Variants in DNAAF9 observed in about 807,000 individuals in gnomAD.
DNAAF9 encodes dynein axonemal assembly factor 9, also known as shulin.
In DNAAF9, 90 loss-of-function variants were observed where a neutral mutation model predicts 167.0. The ratio of observed to expected loss-of-function variants is 0.54; its 90% CI spans 0.45 to 0.64. The LOEUF (loss-of-function observed/expected upper bound fraction) is 0.64. DNAAF9 is among the 30% of genes least tolerant of loss of function. The pLI, the probability that DNAAF9 is intolerant of heterozygous loss-of-function variation, is 0.00. For missense variants in DNAAF9, 1,315 were observed against 1,442.2 expected (o/e 0.91, Z 1.43); for synonymous variants, 491 against 508.8 (o/e 0.96, Z 0.47).
At chr20:3,379,853 T>A (rs573419321) in intron 3 of DNAAF9, among the ~76,000 whole-genome samples, 3 of 151,674 alleles carry the variant, frequency 2.0e-5, no homozygotes, top group South Asian at 4.2e-4. Flanking sequence ...AGGTCAGGAG[T>A]TCGAGACCAG....
chr20:3,353,633 A>AC (rs756039826), intron 7 of DNAAF9, among the ~76,000 whole-genome samples: 45 of 68,848 alleles, frequency 6.5e-4, no homozygotes, highest in Non-Finnish European at 8.6e-4. Context: ...GTCCCCCCGC[A>AC]CCACCCCCCC....
At chr20:3,298,706 T>C (rs942193236) in intron 21 of DNAAF9, among the ~76,000 whole-genome samples, 1 of 152,214 alleles carries the variant, frequency 6.6e-6, no homozygotes, top group African/African-American at 2.4e-5. Context: ...TTTGTGAATA[T>C]TCCATTCTGA....
chr20:3,323,817 G>A (rs1242487132), intron 14 of DNAAF9, among the ~76,000 whole-genome samples: 1 of 152,320 alleles, frequency 6.6e-6, no homozygotes, highest in East Asian at 1.9e-4. Flanking sequence ...CATATTGATG[G>A]TAAGAGAATA....
intron 2 of DNAAF9, among the ~76,000 whole-genome samples, chr20:3,382,153 C>A (rs1482006610): frequency 6.6e-6 from 1 of 152,104 alleles, no homozygotes; most frequent in Non-Finnish European, 1.5e-5. Context: ...CAGAGTATGG[C>A]TCTGGGCAAG....
At chr20:3,339,568 T>C (rs2070037402) in intron 10 of DNAAF9, among the ~76,000 whole-genome samples, 1 of 152,206 alleles carries the variant, frequency 6.6e-6, no homozygotes, top group Non-Finnish European at 1.5e-5. Flanking sequence ...AGATGTACCT[T>C]GCAGCTCTGT....
intron 20 of DNAAF9, among the ~76,000 whole-genome samples, chr20:3,308,428 C>A (rs1022069582): frequency 6.6e-6 from 1 of 150,962 alleles, no homozygotes; most frequent in East Asian, 2.0e-4. Context: ...CTGCAATCTC[C>A]GCCTCCCAGG....
In DNAAF9 at chr20:3,400,849, G is replaced by C. The variant is rs181832167; in HGVS notation, c.83+6626C>G. Among the ~76,000 whole-genome samples, 325 of 152,266 alleles carry C rather than the reference G, an allele frequency of 2.1e-3. 1 individual carries two copies. Among genetic ancestry groups the C allele is most frequent in the African/African-American group, 7.4e-3 (307 of 41,548 alleles). ...CTGTCATCCCAGATACAAGTGAAAA[G>C]GAAGTTATATATAGGCCTCTATCCC... On this transcript the variant is annotated intron_variant, in intron 1 of 36. Transcript: ENST00000252032.
At chr20:3,360,890 C>T (rs1206705415) in intron 6 of DNAAF9, among the ~76,000 whole-genome samples, 1 of 152,174 alleles carries the variant, frequency 6.6e-6, no homozygotes, top group Non-Finnish European at 1.5e-5. Context: ...CGAGTTTAAC[C>T]ACCAAGGACT....
chr20:3,307,255 C>T (rs2069315691), intron 20 of DNAAF9: 1 of 550,416 alleles, frequency 1.8e-6, no homozygotes, highest in South Asian at 8.0e-5. Flanking sequence ...CATTATGGGG[C>T]ATGAGCCAAG....
At chr20:3,326,042 C>T (rs1175475979) in intron 13 of DNAAF9, among the ~76,000 whole-genome samples, 155 bp downstream of exon 13, 1 of 152,198 alleles carries the variant, frequency 6.6e-6, no homozygotes. Context: ...GCAGCAGAAG[C>T]TCAGTGCTCT....
At chr20:3,305,840 G>A (rs146839294) in intron 20 of DNAAF9, among the ~76,000 whole-genome samples, 321 of 152,228 alleles carry the variant, frequency 2.1e-3, no homozygotes, top group Middle Eastern at 0.014. Flanking sequence ...CACAGCCAGC[G>A]ACTATCTAGG....
intron 29 of DNAAF9, among the ~76,000 whole-genome samples, chr20:3,272,626 A>C (rs936929463): frequency 6.6e-6 from 1 of 152,054 alleles, no homozygotes; most frequent in African/African-American, 2.4e-5. Context: ...AACTTTATCA[A>C]TCTCCCATTC....
rs535533949 is a variant in DNAAF9, at chr20:3,264,722, A to C, written c.2787-198T>G. On this transcript the variant is annotated intron_variant, in intron 30 of 36. Transcript: ENST00000252032. ...GTAGCGGGGACTACAGGCATGTGCC[A>C]TCATACCCAGGTAATTTTTGTACTT... Among the ~76,000 whole-genome samples the C allele has an allele frequency of 2.0e-5, 3 of 152,270 alleles. No homozygotes were observed. The South Asian group carries it at 6.2e-4, about 32-fold the overall frequency.
chr20:3,260,665 T>C (rs1297109048), intron 31 of DNAAF9, among the ~76,000 whole-genome samples: 1 of 152,170 alleles, frequency 6.6e-6, no homozygotes, highest in Non-Finnish European at 1.5e-5. Flanking sequence ...GGTCTCCCTC[T>C]GTTTCCCAGG....
intron 1 of DNAAF9, among the ~76,000 whole-genome samples, chr20:3,389,451 A>C (rs902282417): frequency 1.3e-5 from 2 of 151,904 alleles, no homozygotes; most frequent in African/African-American, 4.8e-5. Context: ...CACCTGGCCA[A>C]TTTTAAAAAT....
chr20:3,307,550 G>A (rs982413773), intron 20 of DNAAF9, among the ~76,000 whole-genome samples: 1 of 152,004 alleles, frequency 6.6e-6, no homozygotes, highest in Non-Finnish European at 1.5e-5. Context: ...GGCCAGGGCA[G>A]CCAACTCCTG....
intron 7 of DNAAF9, among the ~76,000 whole-genome samples, chr20:3,349,207 A>AAAAAAAAAAAAAAAAAAAAC (rs2070262001): frequency 6.7e-6 from 1 of 148,942 alleles, no homozygotes; most frequent in Non-Finnish European, 1.5e-5. Flanking sequence ...AAAAAAACAA[A>AAAAAAAAAAAAAAAAAAAAC]AAAAAAAAAA....
intron 8 of DNAAF9, among the ~76,000 whole-genome samples, chr20:3,345,884 G>A (rs1175219115): frequency 1.3e-5 from 2 of 152,070 alleles, no homozygotes; most frequent in East Asian, 1.9e-4. Context: ...GCAGTGAGCC[G>A]AGATCGCGCC....
At chr20:3,271,161 G>T (rs908043175) in intron 29 of DNAAF9, among the ~76,000 whole-genome samples, 1 of 152,014 alleles carries the variant, frequency 6.6e-6, no homozygotes, top group Non-Finnish European at 1.5e-5. Context: ...GGAATTCTTA[G>T]TCAAAGGGCC....
Sources: allele counts gnomAD v4.1 joint callset (sites outside exome capture counted in the v4.1 genomes callset), GRCh38; gene constraint gnomAD v4.1.1; transcripts MANE v1.5; gene names NCBI Gene and HGNC (gene_info 2026-07-23, HGNC 2026-07-21).